The following NCKAP5 variants were observed in gnomAD, a reference collection of about 807,000 sequenced individuals.
NCKAP5 encodes the protein NCK associated protein 5.
A neutral mutation model predicts 167.0 loss-of-function variants in NCKAP5; 92 were observed. The ratio of observed to expected loss-of-function variants is 0.55; its 90% CI spans 0.47 to 0.66. NCKAP5 has a LOEUF of 0.66. Among genes scored for constraint, NCKAP5 ranks in the 30% least tolerant of loss-of-function variants. The probability of loss-of-function intolerance (pLI) is 0.00; values close to 1 mark genes in which losing one functional copy is unlikely to be tolerated. For missense variants in NCKAP5, 2,378 were observed against 2,315.0 expected (o/e 1.03, Z -0.56); for synonymous variants, 891 against 877.4 (o/e 1.02, Z -0.27).
Position 132,918,042 on chromosome 2 carries a change from A to G in NCKAP5, c.580-39126T>C, listed in dbSNP as rs1222702139. Among the ~76,000 whole-genome samples, 6 of 152,208 alleles carry G rather than the reference A, an allele frequency of 3.9e-5. No individual in the cohort carries two copies. The East Asian group carries it at 7.7e-4, about 20-fold the overall frequency. On this transcript the variant is annotated intron_variant, in intron 8 of 19. Coordinates refer to ENST00000409261, the MANE Select transcript of NCKAP5 (RefSeq NM_207363.3). The stretch of plus-strand genomic sequence containing the variant: ...CCATAAAATCAGAGATAGCTATTTG[A>G]TCAGGAAGGATTTAATGAGTTTACC...
chr2:132,687,486 G>C (rs1686102462), intron 19 of NCKAP5, among the ~76,000 whole-genome samples: 1 of 152,054 alleles, frequency 6.6e-6, no homozygotes, highest in South Asian at 2.1e-4. Context: ...AGTGTGTGCG[G>C]TTTCTCTGCC....
intron 2 of NCKAP5, among the ~76,000 whole-genome samples, chr2:133,524,964 A>T (rs1684750459): frequency 6.6e-6 from 1 of 152,098 alleles, no homozygotes; most frequent in Admixed American, 6.6e-5. Flanking sequence ...GCGCATGAGT[A>T]TATGAGTGTA....
Position 132,725,767 on chromosome 2 carries a change from A to G in NCKAP5, c.5581-8T>C. Reference sequence around the variant, plus strand: ...CATTCTGGGTGCCTTGTCCTAAATGAGTAATATGAGACTGTTAAGATAATT... The same window carrying G: ...CATTCTGGGTGCCTTGTCCTAAATGGGTAATATGAGACTGTTAAGATAATT... On this transcript the variant is annotated splice_polypyrimidine_tract_variant and splice_region_variant and intron_variant, in intron 18 of 19. Coordinates refer to ENST00000409261, the MANE Select transcript of NCKAP5 (RefSeq NM_207363.3). 1 of 1,612,482 alleles carries G rather than the reference A, an allele frequency of 6.2e-7. No individual in the cohort carries two copies. The highest frequency in any genetic ancestry group is 1.1e-5 in the South Asian group (1 of 90,630).
At chr2:132,764,426 TTA>T (rs1681274395) in intron 16 of NCKAP5, among the ~76,000 whole-genome samples, 1 of 152,220 alleles carries the variant, frequency 6.6e-6, no homozygotes, top group South Asian at 2.1e-4. Flanking sequence ...CCTTTTGAGT[TTA>T]TCACTTATAG....
chr2:133,358,063 T>G (rs940785777), intron 3 of NCKAP5, among the ~76,000 whole-genome samples: 1 of 152,206 alleles, frequency 6.6e-6, no homozygotes, highest in Non-Finnish European at 1.5e-5. Context: ...CCATTAAGAC[T>G]TATCAAGTCT....
At chr2:133,499,929 A>G (rs962515078) in intron 3 of NCKAP5, among the ~76,000 whole-genome samples, 4 of 152,064 alleles carry the variant, frequency 2.6e-5, no homozygotes, top group Non-Finnish European at 5.9e-5. Context: ...CTGACACAAC[A>G]CCATTTTTCA....
intron 6 of NCKAP5, among the ~76,000 whole-genome samples, chr2:133,058,284 G>T (rs1182436686): frequency 1.3e-5 from 2 of 152,124 alleles, no homozygotes; most frequent in African/African-American, 4.8e-5. Context: ...TCAACTCTCA[G>T]GCCTTATTAT....
At chr2:132,786,508 C>T (rs1186860417) in intron 13 of NCKAP5, among the ~76,000 whole-genome samples, 3 of 152,186 alleles carry the variant, frequency 2.0e-5, no homozygotes, top group African/African-American at 7.2e-5. Context: ...TATTCACCTA[C>T]CAAATTTAGA....
At chr2:132,735,050 T>C (rs183409318) in intron 16 of NCKAP5, among the ~76,000 whole-genome samples, 143 of 152,376 alleles carry the variant, frequency 9.4e-4, no homozygotes, top group African/African-American at 3.2e-3. Context: ...ATGCCTGGCA[T>C]CTAGCTGGTT....
rs150184258 is a variant in NCKAP5, at chr2:133,000,037, C to T, written c.342-5798G>A. Among the ~76,000 whole-genome samples the T allele has an allele frequency of 7.2e-3, 1,103 of 152,248 alleles. 12 individuals carry two copies. The highest frequency in any genetic ancestry group is 0.025 in the African/African-American group (1,023 of 41,550). On this transcript the variant is annotated intron_variant, in intron 6 of 19. Coordinates refer to ENST00000409261, the MANE Select transcript of NCKAP5 (RefSeq NM_207363.3). ...TACTTGCTGATTAATCAAATACCTA[C>T]TTAATAATGAAATTAACCATGAAAT...
At chr2:132,802,359 T>C (rs1179550696) in intron 11 of NCKAP5, among the ~76,000 whole-genome samples, 4 of 152,204 alleles carry the variant, frequency 2.6e-5, no homozygotes, top group Non-Finnish European at 5.9e-5. Flanking sequence ...TTTTCAGCTT[T>C]AGTTTTGTTT....
At position 132,674,100 on chromosome 2, in the gene NCKAP5, C is replaced by T. The variant is rs562941984; in HGVS notation, c.5714-795G>A. Among the ~76,000 whole-genome samples the T allele has an allele frequency of 5.9e-5, 9 of 152,110 alleles. 1 individual carries two copies. The highest frequency in any genetic ancestry group is 4.1e-4 in the South Asian group (2 of 4,820). Reference sequence around the variant, plus strand: ...GTGAGGACAGAGGGAGGCACACTTGCGAAAAACAATGAGAAAAACAGACAT... The same window carrying T: ...GTGAGGACAGAGGGAGGCACACTTGTGAAAAACAATGAGAAAAACAGACAT... On this transcript the variant is annotated intron_variant, in intron 19 of 19. Transcript: ENST00000409261.
chr2:132,726,963 T>A (rs548184628), intron 18 of NCKAP5, among the ~76,000 whole-genome samples: 2 of 152,334 alleles, frequency 1.3e-5, no homozygotes, highest in African/African-American at 4.8e-5. Context: ...ATGAGGTACA[T>A]CCTTTCATAG....
At chr2:133,657,354 C>T in the NCKAP5 span, among the ~76,000 whole-genome samples, 7 of 152,196 alleles carry the variant, frequency 4.6e-5, no homozygotes, top group African/African-American at 1.4e-4. Context: ...CATTGAAACT[C>T]GTTTAACATA....
At chr2:132,795,820 GAAA>G (rs55826486) in intron 12 of NCKAP5, among the ~76,000 whole-genome samples, 24,822 of 84,956 alleles carry the variant, frequency 0.29, 1,913 homozygotes, top group Middle Eastern at 0.47. Context: ...CCCCGTATCA[GAAA>G]AAAAAAAAAA....
At chr2:132,984,535 C>T (rs546251879) in intron 7 of NCKAP5, among the ~76,000 whole-genome samples, 1 of 152,236 alleles carries the variant, frequency 6.6e-6, no homozygotes, top group Admixed American at 6.5e-5. Context: ...TCCTTTCACC[C>T]CACACCTGGC....
At chr2:132,698,600 C>T (rs868687990) in intron 19 of NCKAP5, among the ~76,000 whole-genome samples, 1 of 151,988 alleles carries the variant, frequency 6.6e-6, no homozygotes, top group Non-Finnish European at 1.5e-5. Context: ...TTTGGGAGGC[C>T]GAGGAGGGCA....
intron 4 of NCKAP5, among the ~76,000 whole-genome samples, chr2:133,274,322 C>T (rs2115865): frequency 0.1 from 15,376 of 151,784 alleles, 890 homozygotes; most frequent in South Asian, 0.15. Context: ...TTAGAAGATA[C>T]GAATAAACTT....
At chr2:132,862,686 G>T (rs972657465) in intron 10 of NCKAP5, among the ~76,000 whole-genome samples, 1 of 151,262 alleles carries the variant, frequency 6.6e-6, no homozygotes, top group Non-Finnish European at 1.5e-5. Flanking sequence ...CTTGAACCCA[G>T]GAGGCAAAGA....
Sources: gnomAD v4.1 joint callset for allele counts (sites outside exome capture counted in the v4.1 genomes callset) on GRCh38, gnomAD v4.1.1 for gene constraint, MANE v1.5 for transcripts, NCBI Gene and HGNC (gene_info 2026-07-23, HGNC 2026-07-21) for gene names.